The following UGT2B4 variants were observed in gnomAD, a reference collection of about 807,000 sequenced individuals.
UGT2B4 encodes the protein UDP glucuronosyltransferase family 2 member B4, also known as UDP-glucuronosyltransferase 2B4.
In UGT2B4, 49 loss-of-function variants were observed where a neutral mutation model predicts 49.8. That is an observed-to-expected ratio of 0.98 (90% CI 0.78 to 1.25). UGT2B4 has a LOEUF of 1.25. Among genes scored for constraint, UGT2B4 ranks in the 50% most tolerant of loss-of-function variants. The pLI is 0.00. For missense variants in UGT2B4, 729 were observed against 627.7 expected, an observed-to-expected ratio of 1.16 and a Z score of -1.73; for synonymous variants, 246 against 217.7, an observed-to-expected ratio of 1.13 and a Z score of -1.14.
chr4:69,511,081 T>C (rs1728593123), intron 1 of UGT2B4, among the ~76,000 whole-genome samples: 1 of 146,758 alleles, frequency 6.8e-6, no homozygotes, highest in African/African-American at 2.5e-5. Context: ...AACCTCTGCC[T>C]CCCAGGTTCA....
Position 69,495,377 on chromosome 4 carries a change from T to C in UGT2B4, c.485A>G (p.Glu162Gly), listed in dbSNP as rs1728122731. 6.2e-7 allele frequency: 1 copy of C among 1,613,784 alleles called. No homozygotes were observed. Among genetic ancestry groups the C allele is most frequent in the Non-Finnish European group, 8.5e-7 (1 of 1,179,960 alleles). The part of the protein sequence containing the change: ...AVFPFGELLA[E>G]LLKIPFVYSL... ...GTAGACAAAGGGTATTTTAAGTAACTCGGCCAGCAGCTCACCAAAGGGGAA... is the reference window on the plus strand; with the variant it reads ...GTAGACAAAGGGTATTTTAAGTAACCCGGCCAGCAGCTCACCAAAGGGGAA... The change falls in exon 1 of 6, where the codon GAG becomes GGG. Residue 162 changes from glutamate to glycine, a missense_variant. Coordinates refer to ENST00000305107, the MANE Select transcript of UGT2B4 (RefSeq NM_021139.3).
Position 69,525,764 on chromosome 4 carries a change from G to A in UGT2B4, c.-183C>T, listed in dbSNP as rs148603361. On this transcript the variant is annotated 5_prime_UTR_variant, in exon 1 of 2. Transcript: ENST00000510114. ...GTCCCTGTGCTCAAGCAGCTCACATGTTTATATTTAAACAAGTTGACTAAC... is the reference window on the plus strand; with the variant it reads ...GTCCCTGTGCTCAAGCAGCTCACATATTTATATTTAAACAAGTTGACTAAC... 2.3e-5 allele frequency: 29 copies of A among 1,238,362 alleles called. No individual in the cohort carries two copies. The East Asian group carries it at 1.7e-3, about 71-fold the overall frequency. The allele number at this position is 1,238,362 out of a possible 1,614,324, so 76.7% of individuals were successfully genotyped here.
intron 1 of UGT2B4, among the ~76,000 whole-genome samples, chr4:69,521,835 C>A (rs1463184297): frequency 6.6e-6 from 1 of 152,150 alleles, no homozygotes; most frequent in African/African-American, 2.4e-5. Flanking sequence ...ACCTTAAATT[C>A]TATAAAGCAG....
At chr4:69,511,208 T>C (rs1728595219) in intron 1 of UGT2B4, among the ~76,000 whole-genome samples, 1 of 152,232 alleles carries the variant, frequency 6.6e-6, no homozygotes, top group East Asian at 1.9e-4. Context: ...CAGGCTGGTC[T>C]CAAACTCCTG....
At chr4:69,509,081 G>T (rs1001013478) in intron 1 of UGT2B4, among the ~76,000 whole-genome samples, 1 of 151,448 alleles carries the variant, frequency 6.6e-6, no homozygotes, top group Admixed American at 6.6e-5. Context: ...TGCAGTGTTT[G>T]CCTCTGTGTT....
rs41297429 is a variant in UGT2B4, at chr4:69,485,506, G to A, written c.1091-79C>T. ...CACAATGGAAGAATCTGAATGTGAC[G>A]GTGTTTCCTAGATAACACACTGAAC... On this transcript the variant is annotated intron_variant, in intron 4 of 5. Transcript: ENST00000305107. 1.3e-3 allele frequency: 2,018 copies of A among 1,571,688 alleles called. 14 individuals carry two copies. The African/African-American group carries it at 0.013, about 10-fold the overall frequency.
chr4:69,515,200 C>T (rs1030825827), intron 1 of UGT2B4, among the ~76,000 whole-genome samples: 2 of 152,122 alleles, frequency 1.3e-5, no homozygotes, highest in African/African-American at 4.8e-5. Context: ...ACTCTTTACC[C>T]AAATTTAACA....
intron 1 of UGT2B4, among the ~76,000 whole-genome samples, chr4:69,507,040 A>C (rs991972819): frequency 6.6e-6 from 1 of 152,144 alleles, no homozygotes; most frequent in African/African-American, 2.4e-5. Flanking sequence ...TATGTTAAAA[A>C]CTCTTTATAA....
At chr4:69,498,892 C>T (rs1021450060), upstream of UGT2B4, among the ~76,000 whole-genome samples, 13 of 151,936 alleles carry the variant, frequency 8.6e-5, no homozygotes, top group Admixed American at 7.9e-4. Context: ...TTAGTTATTT[C>T]TTGTCTTCTG....
intron 1 of UGT2B4, among the ~76,000 whole-genome samples, chr4:69,522,232 CACAT>C (rs1304000648): frequency 1.3e-5 from 2 of 152,082 alleles, no homozygotes; most frequent in Non-Finnish European, 2.9e-5. Context: ...TTACTTCACA[CACAT>C]ACACACAATC....
At chr4:69,486,807 G>C (rs1417100124) in intron 3 of UGT2B4, 111 bp from the exon 4 acceptor site, 1 of 727,366 alleles carries the variant, frequency 1.4e-6, no homozygotes, top group Non-Finnish European at 2.3e-6. Context: ...TAAGTAACAA[G>C]AACTACTCAG....
At chr4:69,496,811 T>C (rs1728179996), upstream of UGT2B4, among the ~76,000 whole-genome samples, 1 of 152,198 alleles carries the variant, frequency 6.6e-6, no homozygotes, top group Admixed American at 6.5e-5. Flanking sequence ...TTATTTTACT[T>C]AGCATAATAT....
intron 1 of UGT2B4, among the ~76,000 whole-genome samples, chr4:69,510,977 C>CCTTTTTTTTTTTTTTTTTTTTTTTTTT (rs1486311871): frequency 1.0e-5 from 1 of 98,168 alleles, no homozygotes. Context: ...AATACTCTTT[C>CCTTTTTTTTTTTTTTTTTTTTTTTTTT]TTTTCTTTTC....
rs374745729 is a variant in UGT2B4, at chr4:69,495,617, G to A, written c.245C>T (p.Thr82Ile). The stretch of plus-strand genomic sequence containing the variant: ...GATAATATCCTCAAACTCAGTTTTA[G>A]TTAAAGATACAGGATAAACTTCAAA... ...LKFEVYPVSL[T>I]KTEFEDIIKQ... Residue 82 changes from threonine to isoleucine, a missense_variant, in exon 1 of 6, where the codon ACT becomes ATT. Thr to Ile is a moderately conservative substitution (Grantham distance 89). Transcript: ENST00000305107. 7 of 1,613,948 alleles carry A rather than the reference G, an allele frequency of 4.3e-6. No individual in the cohort carries two copies. The Admixed American group carries it at 1.0e-4, about 23-fold the overall frequency.
At chr4:69,500,614 A>AAAGCAAGAAAGCAAGC (rs1230531198), upstream of UGT2B4, among the ~76,000 whole-genome samples, 1 of 114,622 alleles carries the variant, frequency 8.7e-6, no homozygotes, top group Non-Finnish European at 1.9e-5. Context: ...AGGAAGAAAG[A>AAAGCAAGAAAGCAAGC]AAGAAAGAAA....
At position 69,493,856 on chromosome 4, in the gene UGT2B4, A is replaced by C; in HGVS notation, c.722-15T>G. 2 of 1,581,786 alleles carry C rather than the reference A, an allele frequency of 1.3e-6. No individual in the cohort carries two copies. The highest frequency in any genetic ancestry group is 2.3e-5 in the East Asian group (1 of 43,426). The stretch of plus-strand genomic sequence containing the variant: ...AGTGGGTCTTCCTGATGGGGGAAAA[A>C]AAAAGAAAAGATAGATGACACAAGA... On this transcript the variant is annotated splice_polypyrimidine_tract_variant and intron_variant, in intron 1 of 5. Transcript: ENST00000305107.
intron 5 of UGT2B4, among the ~76,000 whole-genome samples, chr4:69,482,404 T>C (rs890040706): frequency 2.0e-5 from 3 of 152,142 alleles, no homozygotes; most frequent in African/African-American, 4.8e-5. Flanking sequence ...GGTAAGATCA[T>C]CTTAAACATT....
At chr4:69,497,654 A>G (rs1728202226), upstream of UGT2B4, among the ~76,000 whole-genome samples, 1 of 152,234 alleles carries the variant, frequency 6.6e-6, no homozygotes, top group African/African-American at 2.4e-5. Flanking sequence ...GTTACTTCTT[A>G]TGGAAGAGAA....
Position 69,513,031 on chromosome 4 carries a change from G to T in UGT2B4, c.-106+12656C>A, listed in dbSNP as rs1728647454. On this transcript the variant is annotated intron_variant, in intron 1 of 1. Coordinates refer to the UGT2B4 transcript ENST00000510114. ...GCAAAAAATTTCTCCCATTCTGTAGGTTGTGTGTTCACGCTGATGGTAGTT... is the reference window on the plus strand; with the variant it reads ...GCAAAAAATTTCTCCCATTCTGTAGTTTGTGTGTTCACGCTGATGGTAGTT... Among the ~76,000 whole-genome samples, 3 of 152,162 alleles carry T rather than the reference G, an allele frequency of 2.0e-5. No individual in the cohort carries two copies. In the South Asian group the frequency reaches 6.2e-4, roughly 31 times the overall value.
Sources: allele counts gnomAD v4.1 joint callset (sites outside exome capture counted in the v4.1 genomes callset), GRCh38; gene constraint gnomAD v4.1.1; transcripts MANE v1.5; gene names NCBI Gene and HGNC (gene_info 2026-07-23, HGNC 2026-07-21).